The following ZNF674 variants were observed in gnomAD, a reference collection of about 807,000 sequenced individuals.
ZNF674 encodes the protein zinc finger family member 674.
ZNF674 carries 2 observed loss-of-function variants against 7.0 expected under a neutral mutation model. The observed-to-expected ratio is 0.29, with a 90% confidence interval of 0.12 to 0.90. The LOEUF (loss-of-function observed/expected upper bound fraction) is 0.90, where lower values mean the gene tolerates loss of function less well. ZNF674 is among the 40% of genes least tolerant of loss of function. The pLI is 0.57. For synonymous variants in ZNF674, 103 were observed against 145.2 expected (o/e 0.71, Z 2.09); for missense variants, 297 against 415.5 (o/e 0.71, Z 2.48).
intron 2 of ZNF674, among the ~76,000 whole-genome samples, chrX:46,543,043 C>T (rs1198038326): frequency 2.7e-5 from 3 of 111,222 alleles, no homozygotes; most frequent in Admixed American, 9.6e-5. Context: ...CTCCACCTCC[C>T]GGGTTCAAGC....
At chrX:46,519,252 AG>A (rs1569476238) in intron 5 of ZNF674, among the ~76,000 whole-genome samples, 107 of 74,709 alleles carry the variant, frequency 1.4e-3, no homozygotes, top group African/African-American at 4.2e-3. Flanking sequence ...ATAGATAGAT[AG>A]ATAGATAGAT....
At chrX:46,520,394 A>G (rs1048063999) in intron 5 of ZNF674, among the ~76,000 whole-genome samples, 4 of 110,938 alleles carry the variant, frequency 3.6e-5, no homozygotes, top group African/African-American at 1.3e-4. Context: ...GCGAGAATCC[A>G]TCTCAAAAAT....
intron 5 of ZNF674, among the ~76,000 whole-genome samples, chrX:46,524,494 A>G (rs1180394014): frequency 9.3e-6 from 1 of 107,978 alleles, no homozygotes; most frequent in African/African-American, 3.4e-5. Flanking sequence ...GTTCGAGACC[A>G]GCCTGACCAA....
rs756092690 is a variant in ZNF674 at position 46,500,205 on chromosome X, TTC to T, written c.1367_1368del (p.Arg456AsnfsTer9). 1 of 1,209,606 alleles carries T rather than the reference TTC, an allele frequency of 8.3e-7. No individual in the cohort carries two copies. Among genetic ancestry groups the T allele is most frequent in the East Asian group, 3.0e-5 (1 of 33,760 alleles). ...TTATAGGGTTTCTCTCCTGTATGCATTCTCTGATGTACAATAAGGGTTGACTT... is the reference window on the plus strand; with the variant it reads ...TTATAGGGTTTCTCTCCTGTATGCATTCTGATGTACAATAAGGGTTGACTT... ...GEKSTLIVHQ[R>X]MHTGEKPYKC... is the part of the protein sequence containing the mutation. On this transcript the variant is annotated frameshift_variant, in exon 6 of 6. Coordinates refer to ENST00000683375, the MANE Select transcript of ZNF674 (RefSeq NM_001190417.2). LOFTEE classifies it low-confidence loss of function (END_TRUNC).
intron 5 of ZNF674, among the ~76,000 whole-genome samples, chrX:46,508,186 G>GT (rs1397543490): frequency 9.0e-6 from 1 of 110,919 alleles, no homozygotes; most frequent in Non-Finnish European, 1.9e-5. Context: ...TTCAATAATT[G>GT]TTTTTTTAAA....
chrX:46,527,317 G>A (rs1253884232), intron 5 of ZNF674, among the ~76,000 whole-genome samples: 1 of 110,137 alleles, frequency 9.1e-6, no homozygotes, highest in East Asian at 2.8e-4. Context: ...AAAGAAAAAT[G>A]GCAAAAGATT....
chrX:46,524,017 G>A (rs923414588), intron 5 of ZNF674, among the ~76,000 whole-genome samples: 2 of 109,049 alleles, frequency 1.8e-5, no homozygotes, highest in African/African-American at 6.7e-5. Context: ...ACTCCAGCCT[G>A]GGCGACAAGA....
chrX:46,519,620 A>C (rs2146602834), intron 5 of ZNF674, among the ~76,000 whole-genome samples: 1 of 110,905 alleles, frequency 9.0e-6, no homozygotes, highest in African/African-American at 3.3e-5. Flanking sequence ...AAAAAAAAAA[A>C]ATAAATAAAT....
intron 5 of ZNF674, among the ~76,000 whole-genome samples, chrX:46,502,106 G>A (rs1230116627): frequency 9.1e-6 from 1 of 109,905 alleles, no homozygotes; most frequent in Admixed American, 9.8e-5. Flanking sequence ...AGGAGTTCAA[G>A]ACCAGACTGG....
At position 46,498,570 on chromosome X, in the gene ZNF674, T is replaced by C. The variant is rs1230314193; in HGVS notation, c.*1273A>G. On this transcript the variant is annotated 3_prime_UTR_variant, in exon 6 of 6. Transcript: ENST00000683375. ...AGTTTGCCCCACATGGGATATTTTA[T>C]GCTTTATACTGTTCTTTTAAAAATG... The C allele has an allele frequency of 9.0e-6, 1 of 110,705 alleles. No homozygotes were observed. Among genetic ancestry groups the C allele is most frequent in the African/African-American group, 3.3e-5 (1 of 30,465 alleles). The allele number at this position is 110,705 out of a possible 1,213,427, so 9.1% of individuals were successfully genotyped here.
chrX:46,519,257 GATAGATAAAGATAGATGATAGAT>G, intron 5 of ZNF674, among the ~76,000 whole-genome samples: 1 of 62,506 alleles, frequency 1.6e-5, no homozygotes, highest in Non-Finnish European at 3.1e-5. Context: ...TAGATAGATA[GATAGATAAAGATAGATGATAGAT>G]AGATAGATAG....
intron 5 of ZNF674, among the ~76,000 whole-genome samples, chrX:46,512,252 C>T (rs1275325187): frequency 3.7e-5 from 4 of 109,448 alleles, no homozygotes; most frequent in Non-Finnish European, 7.6e-5. Flanking sequence ...ATCCCAGCTA[C>T]GCAGGAGGCT....
In ZNF674 at chrX:46,511,049, T is replaced by TG. The variant is rs1417456034; in HGVS notation, c.239-9715dup. Among the ~76,000 whole-genome samples, 4 of 111,951 alleles carry TG rather than the reference T, an allele frequency of 3.6e-5. No homozygotes were observed. In the East Asian group the frequency reaches 1.1e-3, roughly 31 times the overall value. ...CAAAGCATACAGAACAATGCATTTG[T>TG]GGCACATGGCAAGCATTCAAATGCT... On this transcript the variant is annotated intron_variant, in intron 5 of 5. Transcript: ENST00000683375.
intron 5 of ZNF674, among the ~76,000 whole-genome samples, chrX:46,519,210 TTAGATAGA>T (rs61702218): frequency 0.026 from 1,934 of 74,107 alleles, 62 homozygotes; most frequent in African/African-American, 0.071. Flanking sequence ...CTCAGATAGA[TTAGATAGA>T]TAGATAGATA....
chrX:46,521,532 T>C (rs1390841038), intron 5 of ZNF674, among the ~76,000 whole-genome samples: 1 of 108,933 alleles, frequency 9.2e-6, no homozygotes, highest in Non-Finnish European at 1.9e-5. Flanking sequence ...CAGTGAGCCA[T>C]GATTTCCTGG....
At chrX:46,542,905 G>A (rs1602095375) in intron 2 of ZNF674, among the ~76,000 whole-genome samples, 2 of 111,326 alleles carry the variant, frequency 1.8e-5, no homozygotes, top group East Asian at 5.6e-4. Flanking sequence ...TCTCATTTTT[G>A]TTAAGCAATA....
chrX:46,536,186 A>G (rs1236669866), intron 3 of ZNF674, among the ~76,000 whole-genome samples: 1 of 111,900 alleles, frequency 8.9e-6, no homozygotes. Context: ...AAGGTCTGGC[A>G]CAGTGGCTCA....
intron 5 of ZNF674, chrX:46,525,248 C>A: frequency 6.3e-6 from 1 of 159,517 alleles, no homozygotes; most frequent in Non-Finnish European, 1.2e-5. Flanking sequence ...AGGAATAAAG[C>A]AAAGAAGTCA....
chrX:46,538,762 T>C (rs1367622079), intron 3 of ZNF674, among the ~76,000 whole-genome samples: 2 of 106,639 alleles, frequency 1.9e-5, no homozygotes, highest in Non-Finnish European at 3.9e-5. Flanking sequence ...TGTGGTGGCA[T>C]GTACCTGTAT....
Sources: allele counts gnomAD v4.1 joint callset (sites outside exome capture counted in the v4.1 genomes callset), GRCh38; gene constraint gnomAD v4.1.1; transcripts MANE v1.5; gene names NCBI Gene and HGNC (gene_info 2026-07-23, HGNC 2026-07-21).